SMARCA2: variants seen among roughly 807,000 people sequenced by gnomAD.
SMARCA2 encodes SWI/SNF related BAF chromatin remodeling complex subunit ATPase 2, also known as SWI/SNF-related matrix-associated actin-dependent regulator of chromatin subfamily A member 2.
A neutral mutation model predicts 199.8 loss-of-function variants in SMARCA2; 61 were observed. The observed-to-expected ratio is 0.31, with a 90% confidence interval of 0.25 to 0.38. The LOEUF (loss-of-function observed/expected upper bound fraction) is 0.38. Ranked by LOEUF, SMARCA2 falls within the 10% of genes least tolerant of loss-of-function variation. The probability of loss-of-function intolerance (pLI) is 1.00; values close to 1 mark genes in which losing one functional copy is unlikely to be tolerated. For synonymous variants in SMARCA2, 935 were observed against 732.0 expected (o/e 1.28, Z -4.48); for missense variants, 1,344 against 2,012.2 (o/e 0.67, Z 6.35).
chr9:2,073,307 A>C lies in SMARCA2; in HGVS notation c.1842A>C (p.Ala614=), dbSNP rs1008877777. The C allele has an allele frequency of 3.1e-6, 5 of 1,614,102 alleles. No individual in the cohort carries two copies. The highest frequency in any genetic ancestry group is 1.6e-4 in the Middle Eastern group (1 of 6,084). ...TGTTCGGACCAGAAGCACCCAAAGC[A>C]AGTCAGCTGGACGCCTGGCTGGAAA... The part of the protein sequence containing the change: ...KVLFGPEAPK[A]SQLDAWLEMN... The change falls in exon 11 of 34, where the codon GCA becomes GCC. Residue 614 remains alanine (A), a synonymous_variant. Coordinates refer to ENST00000349721, the MANE Select transcript of SMARCA2 (RefSeq NM_003070.5).
rs906998946 is a variant in SMARCA2 at position 2,116,026 on chromosome 9, T to C, written c.3661T>C (p.Leu1221=). 1.2e-6 allele frequency: 2 copies of C among 1,613,924 alleles called. No homozygotes were observed. The highest frequency in any genetic ancestry group is 1.7e-6 in the Non-Finnish European group (2 of 1,179,834). The change falls in exon 25 of 34, where the codon TTG becomes CTG. Residue 1221 remains leucine (L), a synonymous_variant. Transcript: ENST00000349721. ...GCGGAGGGCATTCCTGCAGGCCATC[T>C]TGGAGCATGAGGAGGAAAATGAGGT... The part of the protein sequence containing the change: ...HERRAFLQAI[L]EHEEENEEED...
At chr9:2,145,317 AAAAAAAAAAAAAGAG>A (rs1824684045) in intron 27 of SMARCA2, among the ~76,000 whole-genome samples, 1 of 87,258 alleles carries the variant, frequency 1.1e-5, no homozygotes, top group Admixed American at 1.1e-4. Flanking sequence ...AAAAAAAAAA[AAAAAAAAAAAAAGAG>A]AGAGAAACCC....
intron 29 of SMARCA2, among the ~76,000 whole-genome samples, chr9:2,178,461 A>C (rs991246769): frequency 2.0e-5 from 3 of 152,158 alleles, no homozygotes; most frequent in African/African-American, 7.2e-5. Context: ...AAAATGACAT[A>C]ATGGAAAACA....
intron 27 of SMARCA2, among the ~76,000 whole-genome samples, chr9:2,141,978 A>T (rs1455587794): frequency 3.3e-5 from 5 of 152,132 alleles, no homozygotes; most frequent in Non-Finnish European, 7.4e-5. Context: ...GCAGGTGATG[A>T]GACCTGCCCG....
intron 31 of SMARCA2, 57 bp downstream of exon 31, chr9:2,182,299 T>A: frequency 9.7e-7 from 1 of 1,029,908 alleles, no homozygotes; most frequent in Non-Finnish European, 1.5e-6. Context: ...CGTTGTTCTT[T>A]TTAAGTAGAA....
intron 19 of SMARCA2, among the ~76,000 whole-genome samples, chr9:2,094,982 C>T (rs560878032): frequency 3.7e-4 from 56 of 152,222 alleles, no homozygotes; most frequent in African/African-American, 1.3e-3. Flanking sequence ...ATCAAAATCT[C>T]ACAGACGTAC....
chr9:2,069,549 ACT>A (rs957122135), intron 9 of SMARCA2, among the ~76,000 whole-genome samples: 15 of 150,150 alleles, frequency 1.0e-4, no homozygotes, highest in African/African-American at 3.2e-4. Context: ...ACAGAGCAAG[ACT>A]CTGTCTCAAA....
intron 27 of SMARCA2, among the ~76,000 whole-genome samples, chr9:2,138,233 A>G (rs976905482): frequency 1.3e-5 from 2 of 152,168 alleles, no homozygotes; most frequent in African/African-American, 4.8e-5. Flanking sequence ...GACAAAAAGT[A>G]TTAATTGGAT....
At position 2,016,775 on chromosome 9, in the gene SMARCA2, T is replaced by G. The variant is rs1049357443; in HGVS notation, c.-37+1371T>G. The stretch of plus-strand genomic sequence containing the variant: ...CTCGCTCCCTGCTCAGGAGTTTGCT[T>G]TATTCCCATCCCAACCTGGTTTACC... On this transcript the variant is annotated intron_variant, in intron 1 of 33. Transcript: ENST00000349721. This position sits in a 1 kb window ranked among gnomAD's most constrained non-coding sequence, Gnocchi z 5.6. 1.4e-4 allele frequency among the ~76,000 whole-genome samples: 21 copies of G among 152,146 alleles called. No homozygotes were observed. Among genetic ancestry groups the G allele is most frequent in the Non-Finnish European group, 2.4e-4 (16 of 68,000 alleles).
At chr9:2,095,132 C>A (rs1469591499) in intron 19 of SMARCA2, among the ~76,000 whole-genome samples, 1 of 150,918 alleles carries the variant, frequency 6.6e-6, no homozygotes. Flanking sequence ...GTCACCCAGG[C>A]TGGAGTGCAG....
At chr9:2,084,232 G>C in intron 17 of SMARCA2, 36 bp downstream of exon 17, 1 of 1,112,516 alleles carries the variant, frequency 9.0e-7, no homozygotes, top group Non-Finnish European at 1.3e-6. Flanking sequence ...CTCTAATTAG[G>C]ACCATTGCAC....
At chr9:2,077,127 A>G (rs1027134102) in intron 13 of SMARCA2, among the ~76,000 whole-genome samples, 1 of 152,116 alleles carries the variant, frequency 6.6e-6, no homozygotes, top group Non-Finnish European at 1.5e-5. Flanking sequence ...TAGCTCATGA[A>G]CAAGGCACAG....
Position 2,155,407 on chromosome 9 carries a change from C to T in SMARCA2, c.3982-6279C>T, listed in dbSNP as rs375294621. 8.2e-4 allele frequency among the ~76,000 whole-genome samples: 124 copies of T among 152,124 alleles called. 2 individuals carry two copies. Among genetic ancestry groups the T allele is most frequent in the African/African-American group, 2.7e-3 (114 of 41,514 alleles). ...AAGCGATTCTCCTGCCTCAGCCTCC[C>T]GAGTAGCTGGGACTACAGGCACGTG... On this transcript the variant is annotated intron_variant, in intron 27 of 33. Transcript: ENST00000349721.
intron 3 of SMARCA2, among the ~76,000 whole-genome samples, chr9:2,035,070 C>T (rs991273478): frequency 2.0e-5 from 3 of 151,566 alleles, no homozygotes; most frequent in African/African-American, 7.3e-5. Flanking sequence ...GAGGCACAGT[C>T]TCCCTCTGTT....
chr9:2,025,129 T>G (rs1818771512), intron 1 of SMARCA2, among the ~76,000 whole-genome samples: 1 of 152,186 alleles, frequency 6.6e-6, no homozygotes, highest in African/African-American at 2.4e-5. Context: ...TGTTTGGAGC[T>G]CTGGCAAGCT....
At chr9:2,095,939 G>A (rs1253145963) in intron 19 of SMARCA2, among the ~76,000 whole-genome samples, 1 of 152,218 alleles carries the variant, frequency 6.6e-6, no homozygotes, top group Non-Finnish European at 1.5e-5. Flanking sequence ...TTAGGAGTAT[G>A]ATAAAGTACG....
intron 22 of SMARCA2, among the ~76,000 whole-genome samples, chr9:2,102,858 T>A (rs1342300145): frequency 6.6e-6 from 1 of 152,136 alleles, no homozygotes; most frequent in East Asian, 1.9e-4. Context: ...ACGTTCAGTA[T>A]AGCTCATAGA....
Position 2,088,607 on chromosome 9 carries a change from C to T in SMARCA2, c.2877C>T (p.Pro959=), listed in dbSNP as rs776253499. ...RLKKEVESQL[P]EKVEYVIKCD... ...AGAAAGAAGTTGAATCCCAGCTTCC[C>T]GAAAAAGTATGTTGCACAACCAAAA... Residue 959 remains proline, a synonymous_variant, in exon 19 of 34, where the codon CCC becomes CCT. Coordinates refer to ENST00000349721, the MANE Select transcript of SMARCA2 (RefSeq NM_003070.5). The T allele has an allele frequency of 2.3e-5, 37 of 1,581,928 alleles. No individual in the cohort carries two copies. The highest frequency in any genetic ancestry group is 3.3e-4 in the Middle Eastern group (2 of 5,988).
intron 2 of SMARCA2, among the ~76,000 whole-genome samples, chr9:2,031,371 A>G (rs1486181720): frequency 1.3e-5 from 2 of 152,222 alleles, no homozygotes; most frequent in Non-Finnish European, 2.9e-5. Flanking sequence ...TTTGGGAGCT[A>G]TATTCTGGAT....
Sources: allele counts gnomAD v4.1 joint callset (sites outside exome capture counted in the v4.1 genomes callset), GRCh38; gene constraint gnomAD v4.1.1; non-coding constraint Gnocchi (gnomAD v3.1); transcripts MANE v1.5; gene names NCBI Gene and HGNC (gene_info 2026-07-23, HGNC 2026-07-21).